The following GNAL variants were observed in gnomAD, a reference collection of about 807,000 sequenced individuals.
The protein encoded by GNAL is G protein subunit alpha L.
GNAL carries 18 observed loss-of-function variants against 55.1 expected under a neutral mutation model. The ratio of observed to expected loss-of-function variants is 0.33; its 90% CI spans 0.23 to 0.48. GNAL has a LOEUF of 0.48. Ranked by LOEUF, GNAL falls within the 20% of genes least tolerant of loss-of-function variation. The pLI, the probability that GNAL is intolerant of heterozygous loss-of-function variation, is 0.99. For missense variants in GNAL, 412 were observed against 614.1 expected (o/e 0.67, Z 3.48); for synonymous variants, 253 against 237.0 (o/e 1.07, Z -0.62).
At chr18:11,776,279 T>G (rs1264106857) in intron 4 of GNAL, among the ~76,000 whole-genome samples, 5 of 152,236 alleles carry the variant, frequency 3.3e-5, no homozygotes, top group African/African-American at 1.2e-4. Flanking sequence ...AGATTTCAAC[T>G]TGCTTATTAG....
At chr18:11,782,619 A>G (rs1450152877) in intron 4 of GNAL, among the ~76,000 whole-genome samples, 1 of 152,126 alleles carries the variant, frequency 6.6e-6, no homozygotes, top group Non-Finnish European at 1.5e-5. Flanking sequence ...AATATTGGTT[A>G]TTGATCCTGT....
chr18:11,703,870 C>T (rs1206083768), intron 1 of GNAL, among the ~76,000 whole-genome samples: 1 of 151,698 alleles, frequency 6.6e-6, no homozygotes, highest in Non-Finnish European at 1.5e-5. Context: ...CATGTCAACC[C>T]TTGCTGACTG....
Position 11,742,350 on chromosome 18 carries a change from G to C in GNAL, c.377-10503G>C, listed in dbSNP as rs551063876. 2.6e-5 allele frequency among the ~76,000 whole-genome samples: 4 copies of C among 150,986 alleles called. No homozygotes were observed. In the East Asian group the frequency reaches 7.9e-4, roughly 30 times the overall value. On this transcript the variant is annotated intron_variant, in intron 1 of 11. Transcript: ENST00000334049. ...TTAGTTCTATTCCTATTGAATGATCGTCATAATTACCACAGTCCACTTACT... is the reference window on the plus strand; with the variant it reads ...TTAGTTCTATTCCTATTGAATGATCCTCATAATTACCACAGTCCACTTACT...
Position 11,868,905 on chromosome 18 carries a change from C to T in GNAL, c.1031+242C>T, listed in dbSNP as rs1222748894. On this transcript the variant is annotated intron_variant, in intron 9 of 11. Transcript: ENST00000334049. The surrounding 1 kb of genome is among the most constrained non-coding windows in gnomAD (Gnocchi z 4.0). ...GCACACCTGCCCAGTGACTCAGGAG[C>T]TTGAGGTAGGGGGATCACTTGAGCC... is the stretch of plus-strand genomic sequence containing the variant. 6.6e-6 allele frequency among the ~76,000 whole-genome samples: 1 copy of T among 151,812 alleles called. No individual in the cohort carries two copies. Among genetic ancestry groups the T allele is most frequent in the South Asian group, 2.1e-4 (1 of 4,818 alleles).
intron 1 of GNAL, among the ~76,000 whole-genome samples, chr18:11,694,578 T>A (rs1329720837): frequency 6.6e-6 from 1 of 152,104 alleles, no homozygotes; most frequent in South Asian, 2.1e-4. Context: ...AGACAAGGAA[T>A]CATGGGGTCC....
At chr18:11,746,601 C>A in intron 1 of GNAL, 1 of 254,450 alleles carries the variant, frequency 3.9e-6, no homozygotes, top group Non-Finnish European at 7.8e-6. Flanking sequence ...AGAGTGAGAC[C>A]CTGTGTCTAA....
intron 4 of GNAL, among the ~76,000 whole-genome samples, chr18:11,778,549 G>C (rs2143334778): frequency 6.6e-6 from 1 of 152,174 alleles, no homozygotes; most frequent in Middle Eastern, 3.4e-3. Flanking sequence ...CGAAACCTTG[G>C]GAAATGTGAC....
In GNAL at chr18:11,881,346, C is replaced by G; in HGVS notation, c.*211C>G. On this transcript the variant is annotated 3_prime_UTR_variant, in exon 12 of 12. Transcript: ENST00000334049. This position sits in a 1 kb window ranked among gnomAD's most constrained non-coding sequence, Gnocchi z 4.8. The stretch of plus-strand genomic sequence containing the variant: ...ATACGGCCTCCCGCAGCATCCCACC[C>G]CCAAACCACCGACTCTCATTGCCGA... 1 of 458,080 alleles carries G rather than the reference C, an allele frequency of 2.2e-6. No individual in the cohort carries two copies. Among genetic ancestry groups the G allele is most frequent in the South Asian group, 4.2e-5 (1 of 23,740 alleles). 28.4% of individuals were successfully genotyped at this position (458,080 alleles called of 1,614,324 possible).
In GNAL at chr18:11,868,449, T is replaced by G. The variant is rs918322305; in HGVS notation, c.911-94T>G. The stretch of plus-strand genomic sequence containing the variant: ...ATAGTCCTATCACTGAATGAATGTT[T>G]TTGTGGAACTGAGTAGCTGCTGGGT... On this transcript the variant is annotated intron_variant, in intron 8 of 11. Coordinates refer to ENST00000334049, the MANE Select transcript of GNAL (RefSeq NM_182978.4). This position sits in a 1 kb window ranked among gnomAD's most constrained non-coding sequence, Gnocchi z 4.0. 9.6e-7 allele frequency: 1 copy of G among 1,047,036 alleles called. No homozygotes were observed. The highest frequency in any genetic ancestry group is 1.4e-6 in the Non-Finnish European group (1 of 712,262). The allele number at this position is 1,047,036 out of a possible 1,614,324, so 64.9% of individuals were successfully genotyped here. A position where few individuals can be genotyped will look rare whatever the true frequency, so the allele number is the denominator to read the frequency against.
chr18:11,774,870 G>A (rs747234005), intron 4 of GNAL, among the ~76,000 whole-genome samples: 1 of 152,188 alleles, frequency 6.6e-6, no homozygotes, highest in Non-Finnish European at 1.5e-5. Context: ...TAGACATTGC[G>A]GGTATATTTC....
chr18:11,753,032 A>G (rs1272949255), intron 2 of GNAL, 107 bp downstream of exon 2: 2 of 631,364 alleles, frequency 3.2e-6, no homozygotes, highest in Middle Eastern at 2.5e-4. Context: ...ATAATGGAGT[A>G]GACATTCAAG....
intron 1 of GNAL, among the ~76,000 whole-genome samples, chr18:11,730,085 C>G (rs112302314): frequency 1.3e-5 from 2 of 151,354 alleles, no homozygotes; most frequent in Non-Finnish European, 2.9e-5. Context: ...CCAGGCCGAA[C>G]TGCAGTGGCG....
At position 11,838,169 on chromosome 18, in the gene GNAL, T is replaced by C. The variant is rs753550428; in HGVS notation, c.722+13154T>C. Among the ~76,000 whole-genome samples, 53 of 152,160 alleles carry C rather than the reference T, an allele frequency of 3.5e-4. 1 individual carries two copies. Among genetic ancestry groups the C allele is most frequent in the Admixed American group, 2.6e-4 (4 of 15,270 alleles). Reference sequence around the variant, plus strand: ...AACGACCCAAATGCCCATCAGCCGATGAGTGGATAAACAAAATGTGACGCA... The same window carrying C: ...AACGACCCAAATGCCCATCAGCCGACGAGTGGATAAACAAAATGTGACGCA... On this transcript the variant is annotated intron_variant, in intron 5 of 11. Transcript: ENST00000334049.
intron 5 of GNAL, among the ~76,000 whole-genome samples, chr18:11,857,956 C>T (rs920349062): frequency 1.2e-4 from 19 of 152,124 alleles, no homozygotes; most frequent in African/African-American, 4.6e-4. Flanking sequence ...GACAGATTTC[C>T]AATTGCTATA....
intron 4 of GNAL, among the ~76,000 whole-genome samples, chr18:11,773,208 C>T (rs1344817667): frequency 6.6e-6 from 1 of 152,244 alleles, no homozygotes; most frequent in Admixed American, 6.5e-5. Flanking sequence ...CGTCTCATGT[C>T]CACTGCCCAC....
chr18:11,849,731 C>A (rs1444721026), intron 5 of GNAL, among the ~76,000 whole-genome samples: 1 of 152,052 alleles, frequency 6.6e-6, no homozygotes, highest in Admixed American at 6.6e-5. Flanking sequence ...AGAAAAGTTT[C>A]ATTTGGAAAA....
At chr18:11,877,653 T>C (rs549841941) in intron 11 of GNAL, among the ~76,000 whole-genome samples, 155 of 152,170 alleles carry the variant, frequency 1.0e-3, no homozygotes, top group Non-Finnish European at 1.7e-3. Context: ...GTACTCCAAG[T>C]GCACTTAACA....
chr18:11,796,892 A>AT (rs1325698391), intron 4 of GNAL, among the ~76,000 whole-genome samples: 2 of 152,180 alleles, frequency 1.3e-5, no homozygotes, highest in African/African-American at 4.8e-5. Flanking sequence ...ATTATAAATA[A>AT]TACTGCATAT....
chr18:11,780,945 G>T (rs549733769), intron 4 of GNAL, among the ~76,000 whole-genome samples: 9 of 152,300 alleles, frequency 5.9e-5, no homozygotes, highest in African/African-American at 1.9e-4. Flanking sequence ...AAGTCACACT[G>T]AAGTATAAAT....
Sources: allele counts gnomAD v4.1 joint callset (sites outside exome capture counted in the v4.1 genomes callset), GRCh38; gene constraint gnomAD v4.1.1; non-coding constraint Gnocchi (gnomAD v3.1); transcripts MANE v1.5; gene names NCBI Gene and HGNC (gene_info 2026-07-23, HGNC 2026-07-21).